AOPEP: variants seen among roughly 807,000 people sequenced by gnomAD.
AOPEP encodes the protein aminopeptidase O.
Under a neutral mutation model 98.1 loss-of-function variants are expected in AOPEP, and 77 were observed. The observed-to-expected ratio is 0.78, with a 90% CI of 0.65 to 0.95. The LOEUF (loss-of-function observed/expected upper bound fraction) is 0.95. AOPEP is among the 40% of genes least tolerant of loss of function. The pLI is 0.00. For missense variants in AOPEP, 1,024 were observed against 1,024.7 expected, an observed-to-expected ratio of 1.00 and a Z score of 0.01; for synonymous variants, 346 against 365.3, an observed-to-expected ratio of 0.95 and a Z score of 0.60.
chr9:95,147,072 TA>T, the AOPEP span, among the ~76,000 whole-genome samples: 1 of 150,722 alleles, frequency 6.6e-6, no homozygotes, highest in Non-Finnish European at 1.5e-5. Flanking sequence ...TTTTAATATA[TA>T]TTTTAGATTA....
At chr9:94,927,851 C>T (rs960850967) in intron 6 of AOPEP, among the ~76,000 whole-genome samples, 9 of 152,196 alleles carry the variant, frequency 5.9e-5, no homozygotes, top group Admixed American at 3.3e-4. Flanking sequence ...AGGTCGGGGC[C>T]GTGTGGCCCA....
At chr9:94,845,449 G>A (rs974604568) in intron 5 of AOPEP, among the ~76,000 whole-genome samples, 26 of 152,222 alleles carry the variant, frequency 1.7e-4, no homozygotes, top group African/African-American at 6.0e-4. Flanking sequence ...AAGGTTTTAA[G>A]TAAGGAGTAA....
chr9:94,804,454 A>G (rs999901767), intron 5 of AOPEP, among the ~76,000 whole-genome samples: 2 of 152,126 alleles, frequency 1.3e-5, no homozygotes, highest in Admixed American at 6.6e-5. Flanking sequence ...TTAAAAAACC[A>G]TGTGCTGTGT....
At chr9:94,855,811 A>C (rs1185206309) in intron 5 of AOPEP, among the ~76,000 whole-genome samples, 4 of 152,224 alleles carry the variant, frequency 2.6e-5, no homozygotes, top group Non-Finnish European at 5.9e-5. Context: ...CTAGAAATAG[A>C]GAAAATATAT....
At chr9:94,961,435 T>C (rs2058834376) in intron 9 of AOPEP, among the ~76,000 whole-genome samples, 1 of 152,250 alleles carries the variant, frequency 6.6e-6, no homozygotes, top group Non-Finnish European at 1.5e-5. Context: ...TTTCCTTGTG[T>C]TATGTCATCC....
intron 5 of AOPEP, among the ~76,000 whole-genome samples, chr9:94,873,310 A>G (rs2046558532): frequency 6.6e-6 from 1 of 152,210 alleles, no homozygotes; most frequent in Non-Finnish European, 1.5e-5. Flanking sequence ...TTCTATTTTT[A>G]CTTGTCTTAC....
chr9:94,826,410 TG>T (rs1854569368), intron 5 of AOPEP, among the ~76,000 whole-genome samples: 1 of 152,150 alleles, frequency 6.6e-6, no homozygotes, highest in Non-Finnish European at 1.5e-5. Context: ...AGAGACCCAC[TG>T]GGGGGACCAC....
chr9:95,032,592 T>A (rs2133388639), intron 13 of AOPEP, among the ~76,000 whole-genome samples: 1 of 152,242 alleles, frequency 6.6e-6, no homozygotes, highest in Non-Finnish European at 1.5e-5. Context: ...TTGGAGAATG[T>A]TTTCTTGAGG....
intron 5 of AOPEP, among the ~76,000 whole-genome samples, chr9:94,864,803 A>G (rs1355632411): frequency 2.0e-5 from 3 of 152,170 alleles, no homozygotes; most frequent in Admixed American, 6.5e-5. Flanking sequence ...AGTTATTTTA[A>G]TTTTATAATA....
At chr9:94,969,471 C>G (rs1169491789) in intron 10 of AOPEP, among the ~76,000 whole-genome samples, 1 of 149,404 alleles carries the variant, frequency 6.7e-6, no homozygotes, top group Non-Finnish European at 1.5e-5. Flanking sequence ...AGTGCAGTGG[C>G]ACGATCTTGG....
At chr9:95,120,538 C>T in the AOPEP span, among the ~76,000 whole-genome samples, 216 of 152,146 alleles carry the variant, frequency 1.4e-3, 1 homozygote, top group African/African-American at 5.1e-3. Flanking sequence ...CTTCACCCCC[C>T]GAGTAGCCGG....
At chr9:95,080,951 C>T in intron 15 of AOPEP, 171 bp downstream of exon 15, 1 of 616,052 alleles carries the variant, frequency 1.6e-6, no homozygotes, top group East Asian at 2.8e-5. Context: ...CTGCTTTTTT[C>T]CTCTCTCAAT....
At chr9:94,855,845 T>A (rs1378329172) in intron 5 of AOPEP, among the ~76,000 whole-genome samples, 1 of 152,160 alleles carries the variant, frequency 6.6e-6, no homozygotes, top group Non-Finnish European at 1.5e-5. Context: ...GTAACCTACA[T>A]TATACAAAGT....
intron 5 of AOPEP, among the ~76,000 whole-genome samples, chr9:94,823,321 G>A (rs1279635124): frequency 3.9e-5 from 6 of 152,082 alleles, no homozygotes; most frequent in African/African-American, 7.2e-5. Context: ...CAGCTGTACT[G>A]GGCAGTTGAC....
chr9:95,115,753 G>A, the AOPEP span, among the ~76,000 whole-genome samples: 5 of 152,168 alleles, frequency 3.3e-5, no homozygotes, highest in African/African-American at 4.8e-5. Context: ...CTGAACTCCC[G>A]CGGCCCTTGG....
At chr9:95,038,385 A>G (rs990563085) in intron 13 of AOPEP, among the ~76,000 whole-genome samples, 4 of 152,194 alleles carry the variant, frequency 2.6e-5, no homozygotes, top group Non-Finnish European at 5.9e-5. Context: ...ACTTGCACAC[A>G]TTTTAAATCT....
chr9:95,056,402 G>T (rs2066822117), intron 13 of AOPEP: 1 of 152,404 alleles, frequency 6.6e-6, no homozygotes, highest in South Asian at 2.1e-4. Context: ...CCCTGCCTCT[G>T]CAAGGTCAGT....
At chr9:95,135,074 TAA>T in the AOPEP span, among the ~76,000 whole-genome samples, 2 of 152,258 alleles carry the variant, frequency 1.3e-5, no homozygotes, top group African/African-American at 2.4e-5. Context: ...ATACTGTTTT[TAA>T]AAAGTCTGTT....
rs985151233 is a variant in AOPEP at position 94,972,667 on chromosome 9, G to A, written c.1916+4866G>A. Among the ~76,000 whole-genome samples the A allele has an allele frequency of 7.2e-5, 11 of 152,182 alleles. No homozygotes were observed. The highest frequency in any genetic ancestry group is 1.0e-4 in the Non-Finnish European group (7 of 68,024). On this transcript the variant is annotated intron_variant, in intron 10 of 16. Coordinates refer to ENST00000375315, the MANE Select transcript of AOPEP (RefSeq NM_001193329.3). The surrounding 1 kb of genome is among the most constrained non-coding windows in gnomAD (Gnocchi z 4.2). The stretch of plus-strand genomic sequence containing the variant: ...CAAGAAAATAAATCAGCTGGGCACC[G>A]TGGCTCATGCCTGTAATCCCAGCAC...
Sources: allele counts gnomAD v4.1 joint callset (sites outside exome capture counted in the v4.1 genomes callset), GRCh38; gene constraint gnomAD v4.1.1; non-coding constraint Gnocchi (gnomAD v3.1); transcripts MANE v1.5; gene names NCBI Gene and HGNC (gene_info 2026-07-23, HGNC 2026-07-21).